MOV10L1: variants seen among roughly 807,000 people sequenced by gnomAD.
MOV10L1 encodes RNA helicase Mov10l1.
A neutral mutation model predicts 143.8 loss-of-function variants in MOV10L1; 110 were observed. The ratio of observed to expected loss-of-function variants is 0.76; its 90% CI spans 0.66 to 0.90. The LOEUF is 0.90. Ranked by LOEUF, MOV10L1 falls within the 40% of genes least tolerant of loss-of-function variation. The pLI, the probability that MOV10L1 is intolerant of heterozygous loss-of-function variation, is 0.00. For synonymous variants in MOV10L1, 593 were observed against 581.1 expected (o/e 1.02, Z -0.29); for missense variants, 1,406 against 1,526.8 (o/e 0.92, Z 1.32).
intron 2 of MOV10L1, chr22:50,094,849 A>C (rs2062548739): frequency 6.6e-6 from 1 of 152,206 alleles, no homozygotes; most frequent in Non-Finnish European, 1.5e-5. Flanking sequence ...CATACCCAAT[A>C]AAATAATTCA....
intron 12 of MOV10L1, among the ~76,000 whole-genome samples, chr22:50,127,553 ACT>A (rs895432559): frequency 2.0e-5 from 3 of 151,776 alleles, no homozygotes; most frequent in African/African-American, 7.2e-5. Context: ...TAGCTTCCCG[ACT>A]CTCTGCTGGT....
At chr22:50,104,095 A>T (rs1026026273) in intron 3 of MOV10L1, among the ~76,000 whole-genome samples, 2 of 152,156 alleles carry the variant, frequency 1.3e-5, no homozygotes, top group African/African-American at 2.4e-5. Context: ...AGGAGCACGC[A>T]ACCTAGATCC....
rs75432260 is a variant in MOV10L1, at chr22:50,108,653, C to A, written c.556-4C>A. 1 of 1,613,840 alleles carries A rather than the reference C, an allele frequency of 6.2e-7. No individual in the cohort carries two copies. Among genetic ancestry groups the A allele is most frequent in the Non-Finnish European group, 8.5e-7 (1 of 1,179,930 alleles). ...TCCTGTGACGCTCAGCTCTCTGCTCCCAGGTCTGCATCTCTAGCCTCTGTG... is the reference window on the plus strand; with the variant it reads ...TCCTGTGACGCTCAGCTCTCTGCTCACAGGTCTGCATCTCTAGCCTCTGTG... On this transcript the variant is annotated splice_region_variant and splice_polypyrimidine_tract_variant and intron_variant, in intron 4 of 26. Transcript: ENST00000262794.
intron 13 of MOV10L1, among the ~76,000 whole-genome samples, chr22:50,132,153 T>A (rs370988753): frequency 2.0e-5 from 3 of 152,180 alleles, no homozygotes; most frequent in East Asian, 1.9e-4. Context: ...TAACATCACA[T>A]TGGGGATGAA....
chr22:50,148,177 G>A (rs1277208281), intron 19 of MOV10L1, among the ~76,000 whole-genome samples: 6 of 152,342 alleles, frequency 3.9e-5, no homozygotes, highest in East Asian at 1.9e-4. Context: ...GAGTGTTGGC[G>A]TGGCTCCGGA....
chr22:50,109,195 T>C (rs955715740), intron 5 of MOV10L1, among the ~76,000 whole-genome samples: 2 of 152,042 alleles, frequency 1.3e-5, no homozygotes, highest in Non-Finnish European at 2.9e-5. Context: ...CATATAAGTA[T>C]ATTTTGAAGA....
rs370725537 is a variant in MOV10L1, at chr22:50,115,225, T to C, written c.1238T>C (p.Ile413Thr). The change falls in exon 8 of 27, where the codon ATT (isoleucine) becomes ACT (threonine). Residue 413 changes from isoleucine (I) to threonine (T), a missense_variant. By Grantham distance (89) the Ile-to-Thr change is moderately conservative. Coordinates refer to ENST00000262794, the MANE Select transcript of MOV10L1 (RefSeq NM_018995.3). The stretch of plus-strand genomic sequence containing the variant: ...GTCCCTCCAGGGGGAAAAACCTTCA[T>C]TGTGGTCATCTGTGACGGAAAGTAA... ...GLVPPGGKTF[I>T]VVICDGKNPG... 41 of 1,531,838 alleles carry C rather than the reference T, an allele frequency of 2.7e-5. No individual in the cohort carries two copies. The highest frequency in any genetic ancestry group is 1.4e-5 in the African/African-American group (1 of 69,018). 94.9% of individuals were successfully genotyped at this position (1,531,838 alleles called of 1,614,324 possible). A position where few individuals can be genotyped will look rare whatever the true frequency, so the allele number is the denominator to read the frequency against.
chr22:50,141,824 G>A (rs1260507619), intron 15 of MOV10L1, among the ~76,000 whole-genome samples: 1 of 152,140 alleles, frequency 6.6e-6, no homozygotes, highest in East Asian at 1.9e-4. Flanking sequence ...ATTTAGTCCT[G>A]TGCTTTGGTT....
At chr22:50,142,043 T>C in intron 15 of MOV10L1, 38 bp from the exon 16 acceptor site, 1 of 1,572,156 alleles carries the variant, frequency 6.4e-7, no homozygotes, top group Non-Finnish European at 8.7e-7. Context: ...TAAACACAGC[T>C]GTTTTTTTAA....
chr22:50,128,488 G>T lies in MOV10L1; in HGVS notation c.1891G>T (p.Val631Leu). 6.7e-7 allele frequency: 1 copy of T among 1,497,994 alleles called. No individual in the cohort carries two copies. The highest frequency in any genetic ancestry group is 9.2e-7 in the Non-Finnish European group (1 of 1,087,408). The allele number at this position is 1,497,994 out of a possible 1,614,324, so 92.8% of individuals were successfully genotyped here. Residue 631 changes from valine (V) to leucine (L), a missense_variant, in exon 13 of 27, where the codon GTG (valine) becomes TTG (leucine). Coordinates refer to ENST00000262794, the MANE Select transcript of MOV10L1 (RefSeq NM_018995.3). ...AGCCTATAACTTTGAACCTATGGAT[G>T]TGGAATTTACATATAATAGGTAATG... ...EQAYNFEPMD[V>L]EFTYNRTTSR...
intron 21 of MOV10L1, 24 bp from the exon 22 acceptor site, chr22:50,153,021 T>TGAC (rs2063338406): frequency 1.9e-6 from 3 of 1,579,162 alleles, no homozygotes; most frequent in Non-Finnish European, 2.6e-6. Flanking sequence ...CTTCCCCTTG[T>TGAC]GACCCATCAC....
intron 26 of MOV10L1, 46 bp downstream of exon 26, chr22:50,161,101 C>A: frequency 6.3e-7 from 1 of 1,581,238 alleles, no homozygotes; most frequent in Non-Finnish European, 8.7e-7. Context: ...GGCTCTAGAA[C>A]GTGCTCTAGC....
chr22:50,124,245 C>T (rs910492471), intron 10 of MOV10L1, among the ~76,000 whole-genome samples: 1 of 152,178 alleles, frequency 6.6e-6, no homozygotes, highest in Non-Finnish European at 1.5e-5. Context: ...TCACAAATTC[C>T]CTCAGCACTG....
chr22:50,128,710 A>G (rs1455187775), intron 13 of MOV10L1, among the ~76,000 whole-genome samples: 3 of 151,710 alleles, frequency 2.0e-5, no homozygotes, highest in African/African-American at 4.8e-5. Context: ...ACGCCTGGCT[A>G]ATTTTTGTAT....
rs751559185 is a variant in MOV10L1, at chr22:50,108,240, G to A, written c.547G>A (p.Val183Met). 1.4e-5 allele frequency: 22 copies of A among 1,613,046 alleles called. No homozygotes were observed. Among genetic ancestry groups the A allele is most frequent in the East Asian group, 6.7e-5 (3 of 44,874 alleles). The change falls in exon 4 of 27, where the codon GTG becomes ATG. Residue 183 changes from valine (V) to methionine (M), a missense_variant. By Grantham distance (21) the Val-to-Met change is conservative. Coordinates refer to ENST00000262794, the MANE Select transcript of MOV10L1 (RefSeq NM_018995.3). Reference protein sequence around the residue: ...TSVKPLRYKRVDKVCISSLCG... With the variant: ...TSVKPLRYKRMDKVCISSLCG... ...AGTGAAGCCACTGAGATACAAGCGC[G>A]TGGACAAGGTAGCGTGCCGACTAGT...
At chr22:50,113,974 A>C (rs1414645349) in intron 6 of MOV10L1, among the ~76,000 whole-genome samples, 186 bp downstream of exon 6, 3 of 131,812 alleles carry the variant, frequency 2.3e-5, no homozygotes, top group Non-Finnish European at 4.6e-5. Flanking sequence ...GCTGGAGTGC[A>C]GTGGCGCGAT....
chr22:50,133,982 T>C, intron 13 of MOV10L1, 25 bp from the exon 14 acceptor site: 1 of 1,601,786 alleles, frequency 6.2e-7, no homozygotes, highest in South Asian at 1.1e-5. Context: ...AGGTTAGTTA[T>C]TTTATGTGGT....
intron 5 of MOV10L1, among the ~76,000 whole-genome samples, chr22:50,110,821 C>T (rs1374018024): frequency 6.6e-6 from 1 of 152,038 alleles, no homozygotes; most frequent in Non-Finnish European, 1.5e-5. Context: ...ATCCCAGCTA[C>T]TCTGGAGGCT....
chr22:50,090,975 C>G (rs1265225318), intron 1 of MOV10L1: 3 of 186,618 alleles, frequency 1.6e-5, no homozygotes, highest in African/African-American at 7.2e-5. Context: ...CACGCCCGAC[C>G]TCTCCCGAGG....
Sources: gnomAD v4.1 joint callset for allele counts (sites outside exome capture counted in the v4.1 genomes callset) on GRCh38, gnomAD v4.1.1 for gene constraint, MANE v1.5 for transcripts, NCBI Gene and HGNC (gene_info 2026-07-23, HGNC 2026-07-21) for gene names.